Variants in FAM227B observed in about 807,000 individuals in gnomAD.
The protein encoded by FAM227B is protein FAM227B.
FAM227B carries 88 observed loss-of-function variants against 73.8 expected under a neutral mutation model. The observed-to-expected ratio is 1.19, with a 90% CI of 1.00 to 1.42. The LOEUF (loss-of-function observed/expected upper bound fraction) is 1.42. FAM227B is among the 40% of genes most tolerant of loss of function. The pLI is 0.00. For synonymous variants in FAM227B, 210 were observed against 190.5 expected (o/e 1.10, Z -0.84); for missense variants, 632 against 590.9 (o/e 1.07, Z -0.72).
intron 3 of FAM227B, among the ~76,000 whole-genome samples, chr15:49,593,055 G>C (rs906178649): frequency 6.6e-6 from 1 of 152,156 alleles, no homozygotes; most frequent in African/African-American, 2.4e-5. Context: ...CACAGTATTT[G>C]GGCAGAAGTG....
At chr15:49,485,314 A>G (rs1375309289) in intron 11 of FAM227B, 2 of 152,408 alleles carry the variant, frequency 1.3e-5, no homozygotes, top group Non-Finnish European at 2.9e-5. Context: ...TTTTTCAAGT[A>G]ACATAATCTA....
intron 11 of FAM227B, among the ~76,000 whole-genome samples, chr15:49,507,983 T>C (rs1597717127): frequency 6.6e-6 from 1 of 152,096 alleles, no homozygotes; most frequent in Non-Finnish European, 1.5e-5. Flanking sequence ...AGAATATATG[T>C]AGTATACATA....
intron 13 of FAM227B, among the ~76,000 whole-genome samples, chr15:49,359,899 C>T (rs1238335399): frequency 6.8e-6 from 1 of 147,862 alleles, no homozygotes; most frequent in Non-Finnish European, 1.5e-5. Context: ...CCATGGAATA[C>T]TACGCAGCCA....
chr15:49,568,136 T>C, intron 9 of FAM227B, 109 bp downstream of exon 9: 1 of 994,214 alleles, frequency 1.0e-6, no homozygotes, highest in Non-Finnish European at 1.5e-6. Flanking sequence ...CCAACTTTGC[T>C]TTCAAAAGTA....
At chr15:49,348,283 T>C (rs1014682170) in intron 13 of FAM227B, among the ~76,000 whole-genome samples, 6 of 152,174 alleles carry the variant, frequency 3.9e-5, no homozygotes, top group African/African-American at 1.4e-4. Context: ...CTATTCCAAA[T>C]AAATATACAA....
chr15:49,592,175 C>T (rs541458845), intron 3 of FAM227B, among the ~76,000 whole-genome samples: 7 of 152,310 alleles, frequency 4.6e-5, no homozygotes, highest in Admixed American at 2.0e-4. Context: ...TCTGTCAACT[C>T]ATCAAAGTCA....
intron 11 of FAM227B, among the ~76,000 whole-genome samples, chr15:49,429,192 T>TA (rs2050380370): frequency 6.6e-6 from 1 of 151,938 alleles, no homozygotes; most frequent in Admixed American, 6.6e-5. Flanking sequence ...ATAAGTAACA[T>TA]ATCTACGCAG....
chr15:49,483,655 C>A (rs996130904), intron 11 of FAM227B, among the ~76,000 whole-genome samples: 2 of 152,034 alleles, frequency 1.3e-5, no homozygotes, highest in Non-Finnish European at 2.9e-5. Flanking sequence ...TTAGTTCATT[C>A]ATCAACATCA....
At chr15:49,594,774 T>C (rs1432763580) in intron 3 of FAM227B, among the ~76,000 whole-genome samples, 2 of 152,212 alleles carry the variant, frequency 1.3e-5, no homozygotes, top group Non-Finnish European at 2.9e-5. Flanking sequence ...GTTCTGTCCA[T>C]TGGCTTATAT....
intron 11 of FAM227B, among the ~76,000 whole-genome samples, chr15:49,474,803 G>T (rs2055097106): frequency 2.6e-5 from 4 of 152,024 alleles, no homozygotes; most frequent in African/African-American, 9.7e-5. Flanking sequence ...CATATGCCAG[G>T]GATCTAGGTT....
chr15:49,392,889 G>A (rs1020667278), intron 11 of FAM227B, among the ~76,000 whole-genome samples: 1 of 152,114 alleles, frequency 6.6e-6, no homozygotes, highest in African/African-American at 2.4e-5. Flanking sequence ...ATAGTCTATT[G>A]GAAGATTTTG....
At chr15:49,471,387 GGA>G (rs1227763185) in intron 11 of FAM227B, among the ~76,000 whole-genome samples, 4 of 151,590 alleles carry the variant, frequency 2.6e-5, no homozygotes, top group East Asian at 3.9e-4. Flanking sequence ...GGAGGCTGAA[GGA>G]GGAGAATTGC....
intron 13 of FAM227B, among the ~76,000 whole-genome samples, chr15:49,345,259 T>C (rs191324495): frequency 8.5e-5 from 13 of 152,342 alleles, no homozygotes; most frequent in African/African-American, 2.6e-4. Flanking sequence ...TTTGAACATA[T>C]GACTTTATTG....
intron 11 of FAM227B, among the ~76,000 whole-genome samples, chr15:49,476,212 G>GT (rs1567351529): frequency 1.2e-5 from 1 of 81,254 alleles, no homozygotes; most frequent in Non-Finnish European, 3.3e-5. Flanking sequence ...TTATTTTGCT[G>GT]TTTTGTTTTT....
At chr15:49,596,876 G>A (rs1271751664) in intron 3 of FAM227B, among the ~76,000 whole-genome samples, 2 of 151,714 alleles carry the variant, frequency 1.3e-5, no homozygotes, top group Non-Finnish European at 2.9e-5. Flanking sequence ...AAGACAAAGA[G>A]GGACATTATA....
At chr15:49,549,409 G>T (rs892623893) in intron 9 of FAM227B, among the ~76,000 whole-genome samples, 1 of 151,820 alleles carries the variant, frequency 6.6e-6, no homozygotes, top group African/African-American at 2.4e-5. Context: ...ACAGTGGAGG[G>T]AAGGTCAGCA....
chr15:49,357,483 AG>A (rs2043364519), intron 13 of FAM227B, among the ~76,000 whole-genome samples: 1 of 152,180 alleles, frequency 6.6e-6, no homozygotes, highest in African/African-American at 2.4e-5. Flanking sequence ...TAGAAAATCT[AG>A]AAGAAATAAT....
intron 11 of FAM227B, among the ~76,000 whole-genome samples, chr15:49,384,034 C>T (rs1019793948): frequency 5.9e-5 from 9 of 152,050 alleles, no homozygotes; most frequent in African/African-American, 2.2e-4. Flanking sequence ...CTTCTGTCCT[C>T]CTAAGGAATT....
At chr15:49,363,964 C>T (rs1261446618) in intron 13 of FAM227B, among the ~76,000 whole-genome samples, 1 of 152,116 alleles carries the variant, frequency 6.6e-6, no homozygotes, top group African/African-American at 2.4e-5. Flanking sequence ...AGAGGTAAAG[C>T]CTACTTTGTC....
Sources: allele counts gnomAD v4.1 joint callset (sites outside exome capture counted in the v4.1 genomes callset), GRCh38; gene constraint gnomAD v4.1.1; transcripts MANE v1.5; gene names NCBI Gene and HGNC (gene_info 2026-07-23, HGNC 2026-07-21).